LARGE1: variants seen among roughly 807,000 people sequenced by gnomAD.
The protein encoded by LARGE1 is LARGE xylosyl- and glucuronyltransferase 1.
A neutral mutation model predicts 87.6 loss-of-function variants in LARGE1; 43 were observed. The observed-to-expected ratio is 0.49, with a 90% CI of 0.38 to 0.63. LARGE1 has a LOEUF of 0.63. LARGE1 is among the 30% of genes least tolerant of loss of function. LARGE1 has a pLI of 0.00. For missense variants in LARGE1, 802 were observed against 1,000.2 expected (o/e 0.80, Z 2.67); for synonymous variants, 434 against 394.6 (o/e 1.10, Z -1.18).
intron 6 of LARGE1, among the ~76,000 whole-genome samples, chr22:33,451,748 G>A (rs2067937899): frequency 6.6e-6 from 1 of 151,972 alleles, no homozygotes; most frequent in Non-Finnish European, 1.5e-5. Context: ...TAGTAGAGAC[G>A]GGGTTTCACC....
At chr22:33,394,743 G>GTA (rs1343831229) in intron 7 of LARGE1, among the ~76,000 whole-genome samples, 1 of 138,178 alleles carries the variant, frequency 7.2e-6, no homozygotes, top group Admixed American at 6.9e-5. Flanking sequence ...GTGTGTGTGT[G>GTA]TATGTGTGTG....
chr22:33,801,003 C>CG (rs942075519), intron 1 of LARGE1, among the ~76,000 whole-genome samples: 1 of 152,018 alleles, frequency 6.6e-6, no homozygotes, highest in African/African-American at 2.4e-5. Flanking sequence ...GGGAGGGACC[C>CG]GGGGGAGGTA....
chr22:33,869,134 C>T (rs2064198270), intron 1 of LARGE1, among the ~76,000 whole-genome samples: 1 of 152,158 alleles, frequency 6.6e-6, no homozygotes. Context: ...CTGATCAATG[C>T]TCATCATTCT....
chr22:33,346,675 T>G (rs763686923), intron 9 of LARGE1, among the ~76,000 whole-genome samples: 4 of 152,112 alleles, frequency 2.6e-5, no homozygotes, highest in Non-Finnish European at 5.9e-5. Flanking sequence ...CTGCAAAGCT[T>G]TTCCTGAACA....
At chr22:33,176,275 A>G (rs1328221912) in intron 11 of LARGE1, among the ~76,000 whole-genome samples, 2 of 152,224 alleles carry the variant, frequency 1.3e-5, no homozygotes, top group Non-Finnish European at 2.9e-5. Flanking sequence ...GACCAAAAGC[A>G]ATGGCAACAA....
At chr22:33,169,486 C>A (rs980620713) in intron 11 of LARGE1, among the ~76,000 whole-genome samples, 1 of 152,084 alleles carries the variant, frequency 6.6e-6, no homozygotes, top group Non-Finnish European at 1.5e-5. Context: ...TAAGTTTTAC[C>A]TTTAAGCTTC....
At chr22:33,282,653 G>T (rs553306586) in intron 13 of LARGE1, among the ~76,000 whole-genome samples, 1 of 152,298 alleles carries the variant, frequency 6.6e-6, no homozygotes, top group South Asian at 2.1e-4. Context: ...TGTCACTTGG[G>T]CAACAGGAAA....
chr22:33,888,550 C>T (rs1199595721), intron 1 of LARGE1, among the ~76,000 whole-genome samples: 1 of 152,174 alleles, frequency 6.6e-6, no homozygotes, highest in East Asian at 1.9e-4. Flanking sequence ...ACCTACAAAG[C>T]ACCTTCGAAT....
intron 12 of LARGE1, among the ~76,000 whole-genome samples, chr22:33,286,017 T>G (rs1042476755): frequency 6.6e-6 from 1 of 152,214 alleles, no homozygotes; most frequent in Admixed American, 6.5e-5. Context: ...TTTACCATAG[T>G]GCTCATGTTA....
intron 11 of LARGE1, among the ~76,000 whole-genome samples, chr22:33,305,858 T>TTTTTGG (rs397805022): frequency 6.6e-6 from 1 of 150,898 alleles, no homozygotes; most frequent in African/African-American, 2.5e-5. Context: ...TTTTTTTTTT[T>TTTTTGG]GAGGCGGAGT....
chr22:33,463,475 CAA>C (rs1184317363), intron 6 of LARGE1, among the ~76,000 whole-genome samples: 2 of 151,978 alleles, frequency 1.3e-5, no homozygotes, highest in Non-Finnish European at 2.9e-5. Flanking sequence ...AAAATAATAA[CAA>C]ATCAGGTTTA....
chr22:33,082,452 A>G, the LARGE1 span, among the ~76,000 whole-genome samples: 1 of 152,202 alleles, frequency 6.6e-6, no homozygotes, highest in Non-Finnish European at 1.5e-5. Flanking sequence ...CCTGGCTGGA[A>G]AGGAGGTGTG....
chr22:33,824,293 A>G (rs1477654788), intron 1 of LARGE1, among the ~76,000 whole-genome samples: 1 of 152,230 alleles, frequency 6.6e-6, no homozygotes, highest in Non-Finnish European at 1.5e-5. Context: ...CTGTACAGGA[A>G]GCATGGCTGG....
intron 6 of LARGE1, among the ~76,000 whole-genome samples, chr22:33,464,629 A>T (rs2068513912): frequency 6.6e-6 from 1 of 152,250 alleles, no homozygotes; most frequent in African/African-American, 2.4e-5. Flanking sequence ...CTCATTAATG[A>T]TGAAAAAATG....
chr22:33,411,503 C>T (rs2066303705), intron 7 of LARGE1, among the ~76,000 whole-genome samples: 1 of 152,238 alleles, frequency 6.6e-6, no homozygotes, highest in African/African-American at 2.4e-5. Context: ...AACATGCACA[C>T]ATCTGTTTAA....
At chr22:33,115,679 A>G in the LARGE1 span, among the ~76,000 whole-genome samples, 264 of 152,052 alleles carry the variant, frequency 1.7e-3, no homozygotes, top group African/African-American at 6.0e-3. Flanking sequence ...TTAGCTGGGC[A>G]TGGTGGCACA....
intron 1 of LARGE1, among the ~76,000 whole-genome samples, chr22:33,817,944 G>C (rs1476334192): frequency 6.6e-6 from 1 of 150,564 alleles, no homozygotes; most frequent in African/African-American, 2.4e-5. Flanking sequence ...GGGGAGGAGA[G>C]GAAGGAAGAA....
At chr22:33,502,675 C>G (rs182967431) in intron 6 of LARGE1, among the ~76,000 whole-genome samples, 1 of 151,936 alleles carries the variant, frequency 6.6e-6, no homozygotes, top group Admixed American at 6.6e-5. Context: ...TCCACGCCAT[C>G]CTCCTACCTC....
chr22:33,131,509 A>G, the LARGE1 span, among the ~76,000 whole-genome samples: 1 of 152,204 alleles, frequency 6.6e-6, no homozygotes, highest in Non-Finnish European at 1.5e-5. Flanking sequence ...AAGGGGTTTA[A>G]TGGACTCACA....
Sources: allele counts gnomAD v4.1 joint callset (sites outside exome capture counted in the v4.1 genomes callset), GRCh38; gene constraint gnomAD v4.1.1; transcripts MANE v1.5; gene names NCBI Gene and HGNC (gene_info 2026-07-23, HGNC 2026-07-21).